Variants in MDGA2 observed in about 807,000 individuals in gnomAD.
MDGA2 encodes the protein MAM domain-containing glycosylphosphatidylinositol anchor protein 2.
A neutral mutation model predicts 117.8 loss-of-function variants in MDGA2; 40 were observed. That is an observed-to-expected ratio of 0.34 (90% CI 0.26 to 0.44). The LOEUF is 0.44. Ranked by LOEUF, MDGA2 falls within the 20% of genes least tolerant of loss-of-function variation. The probability of loss-of-function intolerance (pLI) is 1.00; values close to 1 mark genes in which losing one functional copy is unlikely to be tolerated. For missense variants in MDGA2, 1,123 were observed against 1,250.6 expected (o/e 0.90, Z 1.54); for synonymous variants, 452 against 439.0 (o/e 1.03, Z -0.37).
At chr14:47,218,659 T>G (rs1886188512) in intron 2 of MDGA2, among the ~76,000 whole-genome samples, 1 of 152,150 alleles carries the variant, frequency 6.6e-6, no homozygotes, top group Non-Finnish European at 1.5e-5. Context: ...TTTGAATAGT[T>G]TAGACATAAT....
intron 5 of MDGA2, among the ~76,000 whole-genome samples, chr14:47,126,449 C>T (rs1464110962): frequency 7.9e-5 from 12 of 152,060 alleles, no homozygotes; most frequent in Admixed American, 7.2e-4. Context: ...TGGCAGGAGA[C>T]ATTTTCATAG....
At chr14:47,247,017 T>C (rs1395645211) in intron 2 of MDGA2, among the ~76,000 whole-genome samples, 2 of 151,832 alleles carry the variant, frequency 1.3e-5, no homozygotes, top group African/African-American at 4.8e-5. Context: ...ATTGTACATA[T>C]TTTTCTGTGT....
intron 1 of MDGA2, among the ~76,000 whole-genome samples, chr14:47,323,848 T>C (rs1279013538): frequency 1.3e-5 from 2 of 152,188 alleles, no homozygotes; most frequent in African/African-American, 2.4e-5. Flanking sequence ...TGAAATAGCA[T>C]GGAAGAAATC....
At chr14:47,183,224 C>T (rs530769066) in intron 3 of MDGA2, among the ~76,000 whole-genome samples, 16 of 152,172 alleles carry the variant, frequency 1.1e-4, no homozygotes, top group African/African-American at 3.1e-4. Flanking sequence ...CTGGTTCAAC[C>T]GCTGGATCTA....
intron 6 of MDGA2, among the ~76,000 whole-genome samples, chr14:47,061,881 T>C (rs537676055): frequency 5.3e-5 from 8 of 152,022 alleles, no homozygotes; most frequent in African/African-American, 1.7e-4. Flanking sequence ...AATATTGACA[T>C]TGAATTTTGA....
At chr14:47,169,684 T>C (rs534917921) in intron 3 of MDGA2, among the ~76,000 whole-genome samples, 46 of 152,196 alleles carry the variant, frequency 3.0e-4, no homozygotes, top group Non-Finnish European at 6.0e-4. Flanking sequence ...CTGAGATTTT[T>C]ATATTTACTA....
chr14:47,297,621 C>A (rs184241183), intron 2 of MDGA2, among the ~76,000 whole-genome samples: 12 of 152,212 alleles, frequency 7.9e-5, no homozygotes, highest in African/African-American at 2.6e-4. Flanking sequence ...GATTTACTGG[C>A]AAACCCTTAC....
chr14:47,180,106 T>C (rs1473887907), intron 3 of MDGA2, among the ~76,000 whole-genome samples: 2 of 152,166 alleles, frequency 1.3e-5, no homozygotes, highest in Non-Finnish European at 2.9e-5. Flanking sequence ...TGGGGGTTTG[T>C]TGTACAGATT....
At chr14:47,599,313 G>GT (rs559603496) in intron 1 of MDGA2, among the ~76,000 whole-genome samples, 1,879 of 141,842 alleles carry the variant, frequency 0.013, 14 homozygotes, top group African/African-American at 0.022. Flanking sequence ...GACAAATGCT[G>GT]TTTTTTTTTT....
intron 1 of MDGA2, among the ~76,000 whole-genome samples, chr14:47,464,790 A>C (rs191947511): frequency 6.6e-6 from 1 of 152,324 alleles, no homozygotes; most frequent in East Asian, 1.9e-4. Context: ...TCCTATCAAA[A>C]TACCAAAGAC....
chr14:47,178,588 C>T (rs1298994081), intron 3 of MDGA2, among the ~76,000 whole-genome samples: 1 of 152,066 alleles, frequency 6.6e-6, no homozygotes, highest in Non-Finnish European at 1.5e-5. Flanking sequence ...GTACCAGGCA[C>T]TGACCTAGGT....
At chr14:47,137,485 G>T (rs2139176298) in intron 4 of MDGA2, among the ~76,000 whole-genome samples, 1 of 152,090 alleles carries the variant, frequency 6.6e-6, no homozygotes, top group South Asian at 2.1e-4. Flanking sequence ...AGAGCTGGTT[G>T]TTAAAAAGAA....
intron 6 of MDGA2, among the ~76,000 whole-genome samples, chr14:47,070,910 T>A (rs1304580626): frequency 6.6e-6 from 1 of 152,202 alleles, no homozygotes; most frequent in Non-Finnish European, 1.5e-5. Flanking sequence ...ACCCAGCCTA[T>A]TCCAGTACTT....
intron 3 of MDGA2, among the ~76,000 whole-genome samples, chr14:47,169,670 A>G: frequency 6.6e-6 from 1 of 152,052 alleles, no homozygotes; most frequent in Non-Finnish European, 1.5e-5. Context: ...CATTAGCTTA[A>G]AAACTGAGAT....
intron 1 of MDGA2, among the ~76,000 whole-genome samples, chr14:47,629,387 T>G (rs1897212742): frequency 6.6e-6 from 1 of 152,210 alleles, no homozygotes; most frequent in Non-Finnish European, 1.5e-5. Context: ...TGCATTTGCC[T>G]GATAAACACA....
intron 1 of MDGA2, among the ~76,000 whole-genome samples, chr14:47,607,252 G>C (rs1896759368): frequency 6.6e-6 from 1 of 152,110 alleles, no homozygotes; most frequent in South Asian, 2.1e-4. Context: ...CTATGAAAGA[G>C]ATCAGCATGG....
intron 1 of MDGA2, among the ~76,000 whole-genome samples, chr14:47,570,078 T>A (rs7149755): frequency 0.78 from 118,971 of 151,966 alleles, 46,889 homozygotes; most frequent in East Asian, 1. Context: ...AGGTTTTTTT[T>A]AAATCAATAT....
chr14:47,015,319 G>GT (rs1163325626), intron 8 of MDGA2, among the ~76,000 whole-genome samples: 1 of 100,450 alleles, frequency 1.0e-5, no homozygotes, highest in African/African-American at 3.1e-5. Flanking sequence ...AGCACATGCT[G>GT]TTAAAAAAAA....
chr14:46,850,316 C>A (rs1881008645), intron 15 of MDGA2, among the ~76,000 whole-genome samples: 2 of 151,750 alleles, frequency 1.3e-5, no homozygotes, highest in South Asian at 2.1e-4. Flanking sequence ...AATGTAATTT[C>A]TCAGCAAGAA....
Sources: gnomAD v4.1 joint callset for allele counts (sites outside exome capture counted in the v4.1 genomes callset) on GRCh38, gnomAD v4.1.1 for gene constraint, MANE v1.5 for transcripts, NCBI Gene and HGNC (gene_info 2026-07-23, HGNC 2026-07-21) for gene names.